PAQR3: variants seen among roughly 807,000 people sequenced by gnomAD.
PAQR3 encodes the protein Raf kinase trapping to Golgi.
In PAQR3, 39 loss-of-function variants were observed where a neutral mutation model predicts 41.7. The observed-to-expected ratio is 0.93, with a 90% CI of 0.72 to 1.22. The LOEUF (loss-of-function observed/expected upper bound fraction) is 1.22, where lower values mean the gene tolerates loss of function less well. PAQR3 is among the 50% of genes most tolerant of loss of function. PAQR3 has a pLI of 0.00. For missense variants in PAQR3, 366 were observed against 385.6 expected, an observed-to-expected ratio of 0.95 and a Z score of 0.42; for synonymous variants, 140 against 140.6, an observed-to-expected ratio of 1.00 and a Z score of 0.03.
Position 78,924,861 on chromosome 4 carries a change from C to T in PAQR3, c.703-914G>A, listed in dbSNP as rs1037327040. Among the ~76,000 whole-genome samples, 4 of 151,974 alleles carry T rather than the reference C, an allele frequency of 2.6e-5. No homozygotes were observed. The South Asian group carries it at 8.3e-4, about 32-fold the overall frequency. On this transcript the variant is annotated intron_variant, in intron 4 of 5. Coordinates refer to ENST00000512733, the MANE Select transcript of PAQR3 (RefSeq NM_001040202.2). ...GTTTCAAAGAAATAAAATGTAAAGACAAATTTCTCCTTCCTCTTCAAATAT... is the reference window on the plus strand; with the variant it reads ...GTTTCAAAGAAATAAAATGTAAAGATAAATTTCTCCTTCCTCTTCAAATAT...
downstream of PAQR3, among the ~76,000 whole-genome samples, chr4:78,907,185 A>T (rs1161493344): frequency 6.6e-6 from 1 of 152,182 alleles, no homozygotes; most frequent in Non-Finnish European, 1.5e-5. Context: ...ACCTGAAAAG[A>T]TGCATTAAAA....
chr4:78,905,097 T>G (rs1268570445), intron 11 of PAQR3, among the ~76,000 whole-genome samples: 1 of 151,880 alleles, frequency 6.6e-6, no homozygotes, highest in African/African-American at 2.4e-5. Flanking sequence ...GACTAATCTA[T>G]TGGTTCATTC....
chr4:78,934,974 G>A, intron 2 of PAQR3, 147 bp downstream of exon 2: 1 of 656,442 alleles, frequency 1.5e-6, no homozygotes, highest in Non-Finnish European at 2.6e-6. Context: ...ATCGTTTGGT[G>A]TTTATGTTAT....
chr4:78,887,165 T>C (rs1199233884), exon 13 of PAQR3: 2 of 1,551,234 alleles, frequency 1.3e-6, no homozygotes, highest in Non-Finnish European at 8.8e-7. Context: ...TTTCATCTTA[T>C]TTTTGCAGAT....
At chr4:78,904,605 A>G (rs1338282168) in intron 11 of PAQR3, among the ~76,000 whole-genome samples, 1 of 151,924 alleles carries the variant, frequency 6.6e-6, no homozygotes, top group Non-Finnish European at 1.5e-5. Context: ...GCTCTGAATG[A>G]ATTTTGGCAG....
intron 3 of PAQR3, among the ~76,000 whole-genome samples, chr4:78,929,471 T>C (rs766788232): frequency 1.3e-5 from 2 of 152,204 alleles, no homozygotes; most frequent in African/African-American, 2.4e-5. Flanking sequence ...TCCGTAAGGT[T>C]TGGTTGGCCA....
intron 11 of PAQR3, among the ~76,000 whole-genome samples, chr4:78,892,201 A>G (rs1166633611): frequency 6.6e-6 from 1 of 152,214 alleles, no homozygotes; most frequent in East Asian, 1.9e-4. Context: ...CCTGTGAAGC[A>G]AACTGGGCTT....
chr4:78,934,515 T>G (rs1737226238), intron 2 of PAQR3, among the ~76,000 whole-genome samples: 1 of 152,238 alleles, frequency 6.6e-6, no homozygotes, highest in Non-Finnish European at 1.5e-5. Context: ...GATTCAAAAT[T>G]ATCTGTTTGA....
At chr4:78,938,010 G>A (rs1380914888) in intron 1 of PAQR3, among the ~76,000 whole-genome samples, 1 of 152,222 alleles carries the variant, frequency 6.6e-6, no homozygotes, top group Admixed American at 6.5e-5. Context: ...TTCAAGCCAA[G>A]TAGGGATGGG....
At chr4:78,911,219 A>G (rs1734576633), downstream of PAQR3, 1 of 1,613,860 alleles carries the variant, frequency 6.2e-7, no homozygotes, top group Non-Finnish European at 8.5e-7. Context: ...GCAGGACTGG[A>G]GCAGGAGGAA....
chr4:78,906,420 C>T (rs541598544), intron 10 of PAQR3, among the ~76,000 whole-genome samples: 12 of 152,174 alleles, frequency 7.9e-5, no homozygotes, highest in East Asian at 1.9e-4. Context: ...CCCAGTTGCC[C>T]GTACTATTTG....
At chr4:78,907,327 A>G (rs184358861), downstream of PAQR3, among the ~76,000 whole-genome samples, 383 of 152,330 alleles carry the variant, frequency 2.5e-3, 1 homozygote, top group African/African-American at 8.7e-3. Context: ...TGTCTTCTGA[A>G]AAGTAATGGT....
intron 1 of PAQR3, among the ~76,000 whole-genome samples, chr4:78,936,283 C>T (rs748869646): frequency 1.3e-5 from 2 of 152,154 alleles, no homozygotes; most frequent in East Asian, 1.9e-4. Flanking sequence ...TGCAAAATCT[C>T]GTATTTTTGC....
At position 78,892,198 on chromosome 4, in the gene PAQR3, A is replaced by G. The variant is rs185118259; in HGVS notation, c.*837-4050T>C. Among the ~76,000 whole-genome samples, 393 of 152,318 alleles carry G rather than the reference A, an allele frequency of 2.6e-3. 1 individual carries two copies. The highest frequency in any genetic ancestry group is 4.4e-3 in the Non-Finnish European group (302 of 68,020). ...CTAAATATTTAGAATTCACCTGTGAAGCAAACTGGGCTTCAAGTTACCTTT... is the reference window on the plus strand; with the variant it reads ...CTAAATATTTAGAATTCACCTGTGAGGCAAACTGGGCTTCAAGTTACCTTT... On this transcript the variant is annotated intron_variant and NMD_transcript_variant, in intron 11 of 12. Transcript: ENST00000342820.
chr4:78,891,533 T>C (rs991311851), intron 11 of PAQR3, among the ~76,000 whole-genome samples: 2 of 152,226 alleles, frequency 1.3e-5, no homozygotes, highest in African/African-American at 2.4e-5. Flanking sequence ...GGATTGAACC[T>C]CTAATTTAAA....
Position 78,915,768 on chromosome 4 carries a change from G to C in PAQR3, c.*4771C>G, listed in dbSNP as rs981832740. The C allele has an allele frequency of 2.6e-5, 4 of 151,866 alleles. No homozygotes were observed. The highest frequency in any genetic ancestry group is 4.8e-5 in the African/African-American group (2 of 41,388). 9.4% of individuals were successfully genotyped at this position (151,866 alleles called of 1,614,324 possible). A position where few individuals can be genotyped will look rare whatever the true frequency, so the allele number is the denominator to read the frequency against. On this transcript the variant is annotated 3_prime_UTR_variant, in exon 6 of 6. Transcript: ENST00000512733. ...TTTACAAAAGCTACTAAGAGAATAA[G>C]GTAGATGATAATGCAAAGGGTCATG...
Position 78,939,297 on chromosome 4 carries a change from C to T in PAQR3, c.-73G>A. The T allele has an allele frequency of 7.1e-7, 1 of 1,404,352 alleles. No individual in the cohort carries two copies. The highest frequency in any genetic ancestry group is 2.5e-4 in the Middle Eastern group (1 of 4,002). 87.0% of individuals were successfully genotyped at this position (1,404,352 alleles called of 1,614,324 possible). On this transcript the variant is annotated 5_prime_UTR_variant, in exon 1 of 6. Coordinates refer to ENST00000512733, the MANE Select transcript of PAQR3 (RefSeq NM_001040202.2). ...CGCCTCCCCGGGGAGGGGGCTTCGC[C>T]GCTGGCGCCCCCGCCCCGGAGCCCG... is the stretch of plus-strand genomic sequence containing the variant.
rs758493020 is a variant in PAQR3 at position 78,930,178 on chromosome 4, A to G, written c.496T>C (p.Cys166Arg). 1.9e-6 allele frequency: 3 copies of G among 1,609,488 alleles called. No homozygotes were observed. The highest frequency in any genetic ancestry group is 2.5e-6 in the Non-Finnish European group (3 of 1,178,826). ...TGTTTTCATCTACTTACGTTATTAC[A>G]ATAAAATGCGTAAAATACTCCTGAG... Reference protein sequence around the residue: ...YVSGVFYAFYCNNYWRQVYLI... With the variant: ...YVSGVFYAFYRNNYWRQVYLI... The change falls in exon 3 of 6, where the codon TGT becomes CGT. Residue 166 changes from cysteine to arginine, a missense_variant. Transcript: ENST00000512733.
At position 78,896,575 on chromosome 4, in the gene PAQR3, G is replaced by C. The variant is rs536084538; in HGVS notation, c.*837-8427C>G. ...AAGTGACTGGCACATAGTTTTTCAG[G>C]AAACATTAGATTTTGTCATGATTAT... On this transcript the variant is annotated intron_variant and NMD_transcript_variant, in intron 11 of 12. Transcript: ENST00000342820. Among the ~76,000 whole-genome samples, 4 of 152,232 alleles carry C rather than the reference G, an allele frequency of 2.6e-5. No individual in the cohort carries two copies. The South Asian group carries it at 8.3e-4, about 32-fold the overall frequency.
Sources: allele counts gnomAD v4.1 joint callset (sites outside exome capture counted in the v4.1 genomes callset), GRCh38; gene constraint gnomAD v4.1.1; transcripts MANE v1.5; gene names NCBI Gene and HGNC (gene_info 2026-07-23, HGNC 2026-07-21).